The following SEMA6D variants were observed in gnomAD, a reference collection of about 807,000 sequenced individuals.
SEMA6D encodes semaphorin-6D.
A neutral mutation model predicts 106.6 loss-of-function variants in SEMA6D; 35 were observed. The ratio of observed to expected loss-of-function variants is 0.33; its 90% confidence interval spans 0.25 to 0.44. SEMA6D has a LOEUF of 0.44. Among genes scored for constraint, SEMA6D ranks in the 20% least tolerant of loss-of-function variants. The pLI is 1.00. For synonymous variants in SEMA6D, 499 were observed against 487.7 expected, an observed-to-expected ratio of 1.02 and a Z score of -0.31; for missense variants, 1,185 against 1,345.9, an observed-to-expected ratio of 0.88 and a Z score of 1.87.
chr15:47,282,892 A>AC (rs1279354609), intron 1 of SEMA6D, among the ~76,000 whole-genome samples: 1 of 151,974 alleles, frequency 6.6e-6, no homozygotes, highest in Non-Finnish European at 1.5e-5. Flanking sequence ...TTTTTATGTG[A>AC]CCTATTTCCC....
Position 47,586,557 on chromosome 15 carries a change from A to G in SEMA6D, c.-86-14308A>G, listed in dbSNP as rs552408611. ...TCTTTCATAGTGCTTTGTTACACAA[A>G]TACAAATAAAAGGTGGTTATATTAT... is the stretch of plus-strand genomic sequence containing the variant. On this transcript the variant is annotated intron_variant, in intron 3 of 19. Transcript: ENST00000558014. Among the ~76,000 whole-genome samples the G allele has an allele frequency of 1.4e-4, 22 of 152,344 alleles. No individual in the cohort carries two copies. The East Asian group carries it at 3.7e-3, about 25-fold the overall frequency.
rs1895005007 is a variant in SEMA6D, at chr15:47,205,551, TA to T, written c.-239+21137del. 2.0e-5 allele frequency among the ~76,000 whole-genome samples: 3 copies of T among 152,230 alleles called. No individual in the cohort carries two copies. The South Asian group carries it at 6.2e-4, about 32-fold the overall frequency. ...TCACTCTGCCAAGTTCTGAAATGCA[TA>T]AAATATTATATTATAAAAATGATTA... On this transcript the variant is annotated intron_variant, in intron 1 of 19. Coordinates refer to the SEMA6D transcript ENST00000558014.
At chr15:47,422,586 T>A (rs1052862792) in intron 2 of SEMA6D, among the ~76,000 whole-genome samples, 1 of 152,106 alleles carries the variant, frequency 6.6e-6, no homozygotes, top group East Asian at 1.9e-4. Flanking sequence ...GAGGACATGA[T>A]GAATGTCCAT....
intron 1 of SEMA6D, among the ~76,000 whole-genome samples, chr15:47,385,234 G>T (rs879402749): frequency 6.6e-6 from 1 of 151,904 alleles, no homozygotes; most frequent in Non-Finnish European, 1.5e-5. Flanking sequence ...AAGAATTCAA[G>T]AGCAGATAAG....
chr15:47,635,429 G>C (rs756037566), intron 4 of SEMA6D, among the ~76,000 whole-genome samples: 5 of 152,138 alleles, frequency 3.3e-5, no homozygotes, highest in Non-Finnish European at 7.4e-5. Flanking sequence ...GCTCCCAATA[G>C]GGTCCTTTGT....
intron 2 of SEMA6D, among the ~76,000 whole-genome samples, chr15:47,416,829 C>G (rs1595943218): frequency 1.3e-5 from 2 of 152,162 alleles, no homozygotes; most frequent in African/African-American, 4.8e-5. Flanking sequence ...ATTTTCTATT[C>G]TAGTCACCCC....
At chr15:47,298,603 G>A (rs952372327) in intron 1 of SEMA6D, among the ~76,000 whole-genome samples, 2 of 152,186 alleles carry the variant, frequency 1.3e-5, no homozygotes, top group Non-Finnish European at 2.9e-5. Context: ...GACCCATTAC[G>A]TCTGTGCAAT....
At chr15:47,255,833 T>G (rs1402648830) in intron 1 of SEMA6D, among the ~76,000 whole-genome samples, 1 of 152,228 alleles carries the variant, frequency 6.6e-6, no homozygotes, top group Non-Finnish European at 1.5e-5. Context: ...TTTACATACA[T>G]GTCTGTAATC....
chr15:47,220,974 G>A (rs2031143306), intron 1 of SEMA6D, among the ~76,000 whole-genome samples: 1 of 152,070 alleles, frequency 6.6e-6, no homozygotes, highest in Non-Finnish European at 1.5e-5. Flanking sequence ...TAAAATGTCT[G>A]GGAAAACCTG....
At chr15:47,279,660 G>A (rs1276939764) in intron 1 of SEMA6D, among the ~76,000 whole-genome samples, 2 of 151,968 alleles carry the variant, frequency 1.3e-5, no homozygotes, top group Admixed American at 1.3e-4. Flanking sequence ...ATTGGCTGTG[G>A]GTTTGTCATA....
At chr15:47,591,669 T>A (rs1180754129) in intron 3 of SEMA6D, among the ~76,000 whole-genome samples, 1 of 152,186 alleles carries the variant, frequency 6.6e-6, no homozygotes. Context: ...AGCCTGAGAC[T>A]GTAGGAAAAA....
chr15:47,753,279 C>A lies in SEMA6D; in HGVS notation c.-54-6466C>A, dbSNP rs140893675. Among the ~76,000 whole-genome samples the A allele has an allele frequency of 6.9e-4, 105 of 152,210 alleles. 1 individual carries two copies. The highest frequency in any genetic ancestry group is 2.2e-3 in the African/African-American group (92 of 41,514). On this transcript the variant is annotated intron_variant, in intron 1 of 18. Transcript: ENST00000536845. ...TTTTGATGCTATTTGTAGTTGATGACAAAGAATTCTGTTACATTACTAGCG... is the reference window on the plus strand; with the variant it reads ...TTTTGATGCTATTTGTAGTTGATGAAAAAGAATTCTGTTACATTACTAGCG...
At chr15:47,408,676 C>A (rs2040680087) in intron 1 of SEMA6D, among the ~76,000 whole-genome samples, 1 of 152,122 alleles carries the variant, frequency 6.6e-6, no homozygotes, top group South Asian at 2.1e-4. Context: ...TGTTAATAAG[C>A]AAATAGGTAT....
At chr15:47,424,508 G>A (rs1309886222) in intron 2 of SEMA6D, among the ~76,000 whole-genome samples, 1 of 152,058 alleles carries the variant, frequency 6.6e-6, no homozygotes, top group African/African-American at 2.4e-5. Context: ...GTAATAACTT[G>A]GAAAGTAAGT....
chr15:47,692,205 G>T (rs2078601844), intron 4 of SEMA6D, among the ~76,000 whole-genome samples: 1 of 152,094 alleles, frequency 6.6e-6, no homozygotes, highest in Non-Finnish European at 1.5e-5. Flanking sequence ...ATGACATCTA[G>T]ACTTCTGCCC....
chr15:47,614,392 T>C (rs1374807935), intron 4 of SEMA6D, among the ~76,000 whole-genome samples: 1 of 152,236 alleles, frequency 6.6e-6, no homozygotes, highest in African/African-American at 2.4e-5. Flanking sequence ...TGCTGCTGTT[T>C]GTTGTATCAA....
Position 47,401,495 on chromosome 15 carries a change from A to G in SEMA6D, c.-238-10898A>G, listed in dbSNP as rs113503913. Reference sequence around the variant, plus strand: ...ATTTGAAGCATAAAACCTGTTTTGTAAAACTTCAGTTCTCTAACCACTGTG... The same window carrying G: ...ATTTGAAGCATAAAACCTGTTTTGTGAAACTTCAGTTCTCTAACCACTGTG... On this transcript the variant is annotated intron_variant, in intron 1 of 19. Transcript: ENST00000558014. 9.4e-3 allele frequency among the ~76,000 whole-genome samples: 1,425 copies of G among 152,288 alleles called. 30 individuals are homozygous for G. Among genetic ancestry groups the G allele is most frequent in the African/African-American group, 0.032 (1,320 of 41,550 alleles).
At chr15:47,614,610 T>C (rs2076972294) in intron 4 of SEMA6D, among the ~76,000 whole-genome samples, 1 of 152,194 alleles carries the variant, frequency 6.6e-6, no homozygotes, top group Admixed American at 6.5e-5. Context: ...TCTATCTTCA[T>C]AGTCCTTCTG....
At chr15:47,692,714 G>A (rs1286411546) in intron 4 of SEMA6D, among the ~76,000 whole-genome samples, 1 of 152,136 alleles carries the variant, frequency 6.6e-6, no homozygotes, top group African/African-American at 2.4e-5. Context: ...GGTGTCTCCT[G>A]GATGGGCTTA....
Sources: gnomAD v4.1 joint callset for allele counts (sites outside exome capture counted in the v4.1 genomes callset) on GRCh38, gnomAD v4.1.1 for gene constraint, MANE v1.5 for transcripts, NCBI Gene and HGNC (gene_info 2026-07-23, HGNC 2026-07-21) for gene names.